SUMF1: variants seen among roughly 807,000 people sequenced by gnomAD.
SUMF1 encodes the protein formylglycine-generating enzyme.
Under a neutral mutation model 47.6 loss-of-function variants are expected in SUMF1, and 48 were observed. The ratio of observed to expected loss-of-function variants is 1.01; its 90% CI spans 0.80 to 1.28. The LOEUF (loss-of-function observed/expected upper bound fraction) is 1.28, where lower values mean the gene tolerates loss of function less well. SUMF1 is among the 50% of genes most tolerant of loss of function. SUMF1 has a pLI of 0.00. For synonymous variants in SUMF1, 230 were observed against 192.1 expected (o/e 1.20, Z -1.63); for missense variants, 571 against 485.4 (o/e 1.18, Z -1.66).
At chr3:4,105,873 C>G (rs941055776) in intron 8 of SUMF1, among the ~76,000 whole-genome samples, 4 of 152,056 alleles carry the variant, frequency 2.6e-5, no homozygotes, top group African/African-American at 9.7e-5. Flanking sequence ...TCTAACAATA[C>G]AATTATAAAA....
intron 8 of SUMF1, chr3:4,312,753 AATATC>A: frequency 1.1e-6 from 1 of 881,354 alleles, no homozygotes; most frequent in Admixed American, 3.0e-5. Context: ...GTTTTTGGAC[AATATC>A]TTAGTATGCT....
intron 8 of SUMF1, among the ~76,000 whole-genome samples, chr3:4,227,347 G>A (rs6784337): frequency 0.37 from 56,604 of 152,002 alleles, 11,247 homozygotes; most frequent in Non-Finnish European, 0.45. Context: ...CACAGTAGGT[G>A]TTAACCAAAT....
At chr3:4,236,336 G>A (rs1281344589) in intron 8 of SUMF1, among the ~76,000 whole-genome samples, 1 of 151,972 alleles carries the variant, frequency 6.6e-6, no homozygotes, top group Non-Finnish European at 1.5e-5. Context: ...AGAAATCAAG[G>A]ACAAGAGATA....
At chr3:4,444,162 T>A (rs1702700964) in intron 3 of SUMF1, among the ~76,000 whole-genome samples, 1 of 152,072 alleles carries the variant, frequency 6.6e-6, no homozygotes, top group African/African-American at 2.4e-5. Flanking sequence ...AGAAAAAAAA[T>A]AAAGTATGTG....
chr3:4,384,990 A>T lies in SUMF1; in HGVS notation c.955-8601T>A, dbSNP rs552441662. Among the ~76,000 whole-genome samples, 80 of 151,390 alleles carry T rather than the reference A, an allele frequency of 5.3e-4. No homozygotes were observed. The South Asian group carries it at 0.016, about 31-fold the overall frequency. ...AACCTCCACCTCCCAGGTTCAAGCGATTCTCCTGCCTCAGCCACCCGAGTA... is the reference window on the plus strand; with the variant it reads ...AACCTCCACCTCCCAGGTTCAAGCGTTTCTCCTGCCTCAGCCACCCGAGTA... On this transcript the variant is annotated intron_variant, in intron 7 of 8. Transcript: ENST00000272902.
chr3:4,121,125 G>A (rs1368993476), intron 8 of SUMF1, among the ~76,000 whole-genome samples: 1 of 152,074 alleles, frequency 6.6e-6, no homozygotes, highest in African/African-American at 2.4e-5. Context: ...AATCTTTCAA[G>A]GATATAGCTT....
intron 8 of SUMF1, among the ~76,000 whole-genome samples, chr3:4,340,874 GT>G (rs1293455409): frequency 2.0e-5 from 3 of 152,156 alleles, no homozygotes; most frequent in Non-Finnish European, 4.4e-5. Context: ...CAACTTTTTT[GT>G]TTTTTTATTC....
At chr3:4,140,276 T>C (rs1694042248) in intron 8 of SUMF1, among the ~76,000 whole-genome samples, 1 of 152,084 alleles carries the variant, frequency 6.6e-6, no homozygotes, top group African/African-American at 2.4e-5. Context: ...AAAATAGGGA[T>C]CTTATTTATA....
chr3:4,417,763 G>T (rs919073021), intron 5 of SUMF1, among the ~76,000 whole-genome samples: 2 of 152,192 alleles, frequency 1.3e-5, no homozygotes, highest in African/African-American at 4.8e-5. Context: ...AACTCAAGGG[G>T]GTTGAATTGC....
At chr3:4,268,500 T>C (rs1486719469) in intron 8 of SUMF1, among the ~76,000 whole-genome samples, 3 of 96,478 alleles carry the variant, frequency 3.1e-5, no homozygotes, top group Admixed American at 2.8e-4. Context: ...AATGTTTTTC[T>C]TTTTTTTTTT....
intron 8 of SUMF1, among the ~76,000 whole-genome samples, chr3:4,330,456 G>T (rs13092083): frequency 1.3e-5 from 2 of 152,134 alleles, no homozygotes; most frequent in Non-Finnish European, 2.9e-5. Flanking sequence ...CGTCTTACAT[G>T]GTGGCAGGCA....
intron 8 of SUMF1, among the ~76,000 whole-genome samples, chr3:4,174,359 A>C (rs1339595908): frequency 1.0e-4 from 2 of 19,644 alleles, no homozygotes; most frequent in Admixed American, 1.0e-3. Flanking sequence ...CCGTCTCCAA[A>C]AAAAAAAAAA....
chr3:4,393,048 C>A (rs1388726440), intron 7 of SUMF1, among the ~76,000 whole-genome samples: 1 of 152,100 alleles, frequency 6.6e-6, no homozygotes, highest in Non-Finnish European at 1.5e-5. Flanking sequence ...GTCTTCCCTG[C>A]TTATGTTTAG....
At chr3:4,203,075 T>G (rs1559561486) in intron 8 of SUMF1, among the ~76,000 whole-genome samples, 3 of 151,964 alleles carry the variant, frequency 2.0e-5, no homozygotes, top group African/African-American at 7.2e-5. Flanking sequence ...GGATGAAATG[T>G]TCTGTAAATA....
chr3:4,447,338 A>C (rs1425637039), intron 3 of SUMF1, among the ~76,000 whole-genome samples: 1 of 152,232 alleles, frequency 6.6e-6, no homozygotes, highest in Admixed American at 6.5e-5. Flanking sequence ...CTATGTTAAA[A>C]GGAGAGTAAA....
At chr3:4,273,081 A>AAT (rs1697334784) in intron 8 of SUMF1, among the ~76,000 whole-genome samples, 2 of 149,556 alleles carry the variant, frequency 1.3e-5, no homozygotes, top group Non-Finnish European at 3.0e-5. Context: ...CATATATATA[A>AAT]ATATATATAC....
intron 8 of SUMF1, among the ~76,000 whole-genome samples, chr3:4,304,664 G>A (rs1477254486): frequency 1.3e-5 from 2 of 152,172 alleles, no homozygotes; most frequent in Non-Finnish European, 2.9e-5. Flanking sequence ...TATCAACAAT[G>A]AACCCTATCT....
chr3:4,253,707 G>A (rs1394354172), intron 8 of SUMF1, among the ~76,000 whole-genome samples: 1 of 149,636 alleles, frequency 6.7e-6, no homozygotes, highest in African/African-American at 2.5e-5. Flanking sequence ...CATTGGCCAG[G>A]CTTGATTAGG....
chr3:4,446,183 A>G (rs893667981), intron 3 of SUMF1, among the ~76,000 whole-genome samples: 4 of 152,164 alleles, frequency 2.6e-5, no homozygotes, highest in African/African-American at 9.7e-5. Flanking sequence ...TCCCCATCCA[A>G]ATCTCATCTT....
Sources: allele counts gnomAD v4.1 joint callset (sites outside exome capture counted in the v4.1 genomes callset), GRCh38; gene constraint gnomAD v4.1.1; transcripts MANE v1.5; gene names NCBI Gene and HGNC (gene_info 2026-07-23, HGNC 2026-07-21).